DEPDC1: variants seen among roughly 807,000 people sequenced by gnomAD.
The protein encoded by DEPDC1 is DEP domain containing 1, also known as DEP domain-containing protein 1A.
DEPDC1 carries 66 observed loss-of-function variants against 86.8 expected under a neutral mutation model. That is an observed-to-expected ratio of 0.76 (90% CI 0.62 to 0.93). The LOEUF is 0.93. Among genes scored for constraint, DEPDC1 ranks in the 40% least tolerant of loss-of-function variants. The pLI is 0.00. For synonymous variants in DEPDC1, 255 were observed against 314.9 expected (o/e 0.81, Z 2.02); for missense variants, 792 against 935.7 (o/e 0.85, Z 2.00).
chr1:68,477,668 T>A, intron 11 of DEPDC1, 119 bp downstream of exon 11: 1 of 656,952 alleles, frequency 1.5e-6, no homozygotes, highest in Non-Finnish European at 2.3e-6. Context: ...ATAGTCTATA[T>A]AACTCAAACT....
At chr1:68,492,751 AAG>A (rs1372884264) in intron 2 of DEPDC1, among the ~76,000 whole-genome samples, 8 of 152,178 alleles carry the variant, frequency 5.3e-5, no homozygotes, top group Non-Finnish European at 1.0e-4. Flanking sequence ...TAACAAAAAG[AAG>A]ATTCATCTTG....
At chr1:68,481,001 G>A (rs1646151421) in intron 9 of DEPDC1, among the ~76,000 whole-genome samples, 1 of 151,946 alleles carries the variant, frequency 6.6e-6, no homozygotes, top group Non-Finnish European at 1.5e-5. Context: ...TCTTGTCCAC[G>A]ATGACCTACT....
intron 2 of DEPDC1, among the ~76,000 whole-genome samples, chr1:68,492,202 T>C (rs538085352): frequency 6.6e-6 from 1 of 152,282 alleles, no homozygotes; most frequent in Admixed American, 6.5e-5. Context: ...AGAAACTATA[T>C]TGAAGTTTTG....
rs967470364 is a variant in DEPDC1 at position 68,485,415 on chromosome 1, T to C, written c.770-1325A>G. On this transcript the variant is annotated intron_variant, in intron 6 of 11. Transcript: ENST00000456315. ...GCTTTGGCTTTCTCTGTTGGAAAAA[T>C]TGGGATGGTATACTGATTACTAATT... Among the ~76,000 whole-genome samples the C allele has an allele frequency of 2.6e-5, 4 of 152,046 alleles. No homozygotes were observed. In the South Asian group the frequency reaches 6.2e-4, roughly 24 times the overall value.
At chr1:68,486,457 T>A (rs1487178957) in intron 6 of DEPDC1, among the ~76,000 whole-genome samples, 1 of 151,978 alleles carries the variant, frequency 6.6e-6, no homozygotes, top group African/African-American at 2.4e-5. Flanking sequence ...GCTTTATAAA[T>A]TACCCAGTCT....
Position 68,481,628 on chromosome 1 carries a change from A to AT in DEPDC1, c.1763-17_1763-16insA. ...TGCAGCAAGCCTAGAATACAAAAAT[A>AT]CCCCCCCAAAAATCATCAATGACAC... On this transcript the variant is annotated splice_polypyrimidine_tract_variant and intron_variant, in intron 8 of 11. Transcript: ENST00000456315. 2.0e-6 allele frequency: 3 copies of AT among 1,465,788 alleles called. No individual in the cohort carries two copies. The South Asian group carries it at 3.7e-5, about 18-fold the overall frequency. The allele number at this position is 1,465,788 out of a possible 1,614,324, so 90.8% of individuals were successfully genotyped here. A position where few individuals can be genotyped will look rare whatever the true frequency, so the allele number is the denominator to read the frequency against.
chr1:68,484,711 A>G (rs10493447), intron 6 of DEPDC1, among the ~76,000 whole-genome samples: 12,629 of 152,010 alleles, frequency 0.083, 804 homozygotes, highest in African/African-American at 0.17. Flanking sequence ...TAAAATAAGC[A>G]CAAGGCCCAG....
chr1:68,475,097 C>A lies in DEPDC1; in HGVS notation c.*1835G>T, dbSNP rs1646106177. The A allele has an allele frequency of 6.6e-6, 1 of 151,968 alleles. No individual in the cohort carries two copies. Among genetic ancestry groups the A allele is most frequent in the Non-Finnish European group, 1.5e-5 (1 of 67,890 alleles). 9.4% of individuals were successfully genotyped at this position (151,968 alleles called of 1,614,324 possible). ...TAAAAAGAGGTACTATTATAATATT[C>A]ATTTTATAGATAACAAAACTGGGGC... On this transcript the variant is annotated 3_prime_UTR_variant, in exon 12 of 12. Transcript: ENST00000456315.
chr1:68,476,027 G>T lies in DEPDC1; in HGVS notation c.*905C>A, dbSNP rs1378710691. 6.6e-6 allele frequency: 1 copy of T among 151,756 alleles called. No homozygotes were observed. Among genetic ancestry groups the T allele is most frequent in the African/African-American group, 2.4e-5 (1 of 41,398 alleles). 9.4% of individuals were successfully genotyped at this position (151,756 alleles called of 1,614,324 possible). On this transcript the variant is annotated 3_prime_UTR_variant, in exon 12 of 12. Transcript: ENST00000456315. ...TTGAAAACCACTAGCTTAGAGACCT[G>T]TTCCATCATCATAGAAGTCACTCTT...
At chr1:68,481,177 C>T (rs1302497061) in intron 9 of DEPDC1, among the ~76,000 whole-genome samples, 4 of 151,962 alleles carry the variant, frequency 2.6e-5, no homozygotes, top group Non-Finnish European at 5.9e-5. Context: ...TCTGACTGGT[C>T]AATCACTATG....
In DEPDC1 at chr1:68,476,123, C is replaced by G. The variant is rs1646113290; in HGVS notation, c.*809G>C. 6.6e-6 allele frequency: 1 copy of G among 151,738 alleles called. No individual in the cohort carries two copies. Among genetic ancestry groups the G allele is most frequent in the Admixed American group, 6.6e-5 (1 of 15,210 alleles). The allele number at this position is 151,738 out of a possible 1,614,324, so 9.4% of individuals were successfully genotyped here. A position where few individuals can be genotyped will look rare whatever the true frequency, so the allele number is the denominator to read the frequency against. On this transcript the variant is annotated 3_prime_UTR_variant, in exon 12 of 12. Coordinates refer to ENST00000456315, the MANE Select transcript of DEPDC1 (RefSeq NM_001114120.3). The stretch of plus-strand genomic sequence containing the variant: ...TATTTTAAACATCTGATAGGTGTAT[C>G]TCCCTTGATTAAAAAATAAATACCT...
chr1:68,494,642 T>A lies in DEPDC1; in HGVS notation c.102A>T (p.Arg34Ser). ...FRAGMPLRKH[R>S]QHFKKYGNCF... ...AATTGCCATATTTTTTAAAGTGTTG[T>A]CTGTGTTTTCTTAGAGGCATTCCTG... Residue 34 changes from arginine (R) to serine (S), a missense_variant, in exon 2 of 12, where the codon AGA (arginine) becomes AGT (serine). By Grantham distance (110) the Arg-to-Ser change is moderately radical. Transcript: ENST00000456315. 6.2e-7 allele frequency: 1 copy of A among 1,613,740 alleles called. No homozygotes were observed. The highest frequency in any genetic ancestry group is 1.7e-4 in the Middle Eastern group (1 of 6,050).
chr1:68,492,658 G>A (rs1031249624), intron 2 of DEPDC1, among the ~76,000 whole-genome samples: 31 of 152,178 alleles, frequency 2.0e-4, no homozygotes, highest in African/African-American at 7.5e-4. Context: ...TAGGGGCAGA[G>A]AGACTAGTTG....
At chr1:68,485,095 T>C (rs1432350033) in intron 6 of DEPDC1, among the ~76,000 whole-genome samples, 2 of 151,836 alleles carry the variant, frequency 1.3e-5, no homozygotes, top group Non-Finnish European at 2.9e-5. Context: ...TTCTTACTTC[T>C]CTGTTTCCAA....
At position 68,474,383 on chromosome 1, in the gene DEPDC1, T is replaced by A. The variant is rs1208175174; in HGVS notation, c.*2549A>T. 6.6e-6 allele frequency: 1 copy of A among 152,112 alleles called. No individual in the cohort carries two copies. Among genetic ancestry groups the A allele is most frequent in the Non-Finnish European group, 1.5e-5 (1 of 67,996 alleles). 9.4% of individuals were successfully genotyped at this position (152,112 alleles called of 1,614,324 possible). The stretch of plus-strand genomic sequence containing the variant: ...AAAGGTAAGTCAGTGGGAAATTCCA[T>A]GTACATTCCATTACTAAATGCCACA... On this transcript the variant is annotated 3_prime_UTR_variant, in exon 12 of 12. Transcript: ENST00000456315.
chr1:68,490,068 T>C (rs529560050), intron 2 of DEPDC1, among the ~76,000 whole-genome samples: 183 of 152,296 alleles, frequency 1.2e-3, no homozygotes, highest in African/African-American at 4.1e-3. Context: ...TACCCATGTA[T>C]GTAACTGGCA....
Position 68,496,972 on chromosome 1 carries a change from G to C in DEPDC1, c.28C>G (p.Pro10Ala). 6.2e-7 allele frequency: 1 copy of C among 1,613,328 alleles called. No individual in the cohort carries two copies. Among genetic ancestry groups the C allele is most frequent in the South Asian group, 1.1e-5 (1 of 91,064 alleles). Reference protein sequence around the residue: MESQGVPPGPYRATKLWNEV... With the variant: MESQGVPPGAYRATKLWNEV... ...CTTACCAGCTTGGTGGCCCGATAAGGCCCGGGAGGCACACCCTGACTCTCC... is the reference window on the plus strand; with the variant it reads ...CTTACCAGCTTGGTGGCCCGATAAGCCCCGGGAGGCACACCCTGACTCTCC... The change falls in exon 1 of 12, where the codon CCT (proline) becomes GCT (alanine). Residue 10 changes from proline to alanine, a missense_variant. Physicochemically the swap from Pro to Ala is conservative, Grantham distance 27. Coordinates refer to ENST00000456315, the MANE Select transcript of DEPDC1 (RefSeq NM_001114120.3). The surrounding 1 kb of genome is among the most constrained non-coding windows in gnomAD (Gnocchi z 4.0).
chr1:68,491,669 C>A (rs1646229390), intron 2 of DEPDC1, among the ~76,000 whole-genome samples: 1 of 151,996 alleles, frequency 6.6e-6, no homozygotes, highest in South Asian at 2.1e-4. Context: ...ATAAAATAAA[C>A]CTATAGTTGT....
Position 68,494,617 on chromosome 1 carries a change from A to G in DEPDC1, c.127T>C (p.Cys43Arg). The G allele has an allele frequency of 6.2e-7, 1 of 1,613,800 alleles. No individual in the cohort carries two copies. The highest frequency in any genetic ancestry group is 2.2e-5 in the East Asian group (1 of 44,824). The change falls in exon 2 of 12, where the codon TGT becomes CGT. Residue 43 changes from cysteine (C) to arginine (R), a missense_variant. Coordinates refer to ENST00000456315, the MANE Select transcript of DEPDC1 (RefSeq NM_001114120.3). Reference protein sequence around the residue: ...HRQHFKKYGNCFTAGEAVDWL... With the variant: ...HRQHFKKYGNRFTAGEAVDWL... The stretch of plus-strand genomic sequence containing the variant: ...TCCACTGCTTCTCCTGCTGTGAAAC[A>G]ATTGCCATATTTTTTAAAGTGTTGT...
Sources: gnomAD v4.1 joint callset for allele counts (sites outside exome capture counted in the v4.1 genomes callset) on GRCh38, gnomAD v4.1.1 for gene constraint, Gnocchi (gnomAD v3.1) non-coding constraint, MANE v1.5 for transcripts, NCBI Gene and HGNC (gene_info 2026-07-23, HGNC 2026-07-21) for gene names.